ABCB10: variants seen among roughly 807,000 people sequenced by gnomAD.
ABCB10 encodes the protein ATP binding cassette subfamily B member 10, also known as ATP-binding cassette sub-family B member 10, mitochondrial.
Under a neutral mutation model 65.4 loss-of-function variants are expected in ABCB10, and 54 were observed. The ratio of observed to expected loss-of-function variants is 0.83; its 90% CI spans 0.66 to 1.04. The LOEUF is 1.04. Ranked by LOEUF, ABCB10 falls within the 50% of genes least tolerant of loss-of-function variation. The probability of loss-of-function intolerance (pLI) is 0.00; values close to 1 mark genes in which losing one functional copy is unlikely to be tolerated. For synonymous variants in ABCB10, 418 were observed against 406.5 expected (o/e 1.03, Z -0.34); for missense variants, 846 against 976.6 (o/e 0.87, Z 1.78).
At chr1:229,532,295 T>C (rs1284440269) in intron 6 of ABCB10, among the ~76,000 whole-genome samples, 1 of 152,090 alleles carries the variant, frequency 6.6e-6, no homozygotes, top group Non-Finnish European at 1.5e-5. Context: ...TGATCAGGGA[T>C]TGAAAAACAT....
At chr1:229,557,085 T>C (rs571862763) in intron 1 of ABCB10, among the ~76,000 whole-genome samples, 1 of 152,318 alleles carries the variant, frequency 6.6e-6, no homozygotes, top group South Asian at 2.1e-4. Context: ...TCATAGCAAC[T>C]GGTAGATGAA....
intron 6 of ABCB10, among the ~76,000 whole-genome samples, chr1:229,537,334 T>C (rs886840157): frequency 6.6e-6 from 1 of 152,240 alleles, no homozygotes; most frequent in Non-Finnish European, 1.5e-5. Flanking sequence ...TAGCAGAGAA[T>C]GTACTTAGAA....
At chr1:229,523,486 G>A (rs1662363560) in intron 10 of ABCB10, among the ~76,000 whole-genome samples, 1 of 152,136 alleles carries the variant, frequency 6.6e-6, no homozygotes, top group South Asian at 2.1e-4. Flanking sequence ...GCTGCTAAAT[G>A]CTGCTCTAAA....
At chr1:229,531,575 T>C (rs1169904440) in intron 7 of ABCB10, 61 bp downstream of exon 7, 4 of 1,500,832 alleles carry the variant, frequency 2.7e-6, no homozygotes, top group Non-Finnish European at 3.7e-6. Context: ...GGGGAAGAGC[T>C]GGTCTCATTG....
rs1226889877 is a variant in ABCB10, at chr1:229,558,428, C to A, written c.225G>T (p.Gly75=). ...GGACGCCCCGCGAGGCGCCCGGACC[C>A]CCGCCCCGGCAGCCGCTCCTCCAGC... ...ARRWRSGCRG[G]GPGASRGVLG... Residue 75 remains glycine (G), a synonymous_variant, in exon 1 of 13, where the codon GGG becomes GGT. Transcript: ENST00000344517. 1.4e-5 allele frequency: 17 copies of A among 1,207,450 alleles called. No individual in the cohort carries two copies. In the East Asian group the frequency reaches 4.9e-4, roughly 35 times the overall value. The allele number at this position is 1,207,450 out of a possible 1,614,324, so 74.8% of individuals were successfully genotyped here.
chr1:229,544,035 C>T (rs1166113591), intron 3 of ABCB10, among the ~76,000 whole-genome samples: 1 of 152,186 alleles, frequency 6.6e-6, no homozygotes, highest in African/African-American at 2.4e-5. Flanking sequence ...AGAACCACCC[C>T]CCTCCCTTCA....
intron 3 of ABCB10, among the ~76,000 whole-genome samples, chr1:229,542,742 G>A (rs903912988): frequency 6.6e-6 from 1 of 151,564 alleles, no homozygotes; most frequent in African/African-American, 2.4e-5. Context: ...GTCCACCTCA[G>A]GAGTTGTATA....
chr1:229,518,474 C>G (rs563279613), intron 12 of ABCB10, 64 bp from the exon 13 acceptor site: 1 of 1,328,260 alleles, frequency 7.5e-7, no homozygotes, highest in South Asian at 1.2e-5. Flanking sequence ...CTTCCTGATA[C>G]ACACAGCAGC....
chr1:229,542,083 G>C (rs1054571335), intron 4 of ABCB10, among the ~76,000 whole-genome samples, 154 bp downstream of exon 4: 18 of 152,146 alleles, frequency 1.2e-4, no homozygotes, highest in Admixed American at 3.9e-4. Context: ...AAACAGAGTA[G>C]TTTAAGTTTC....
intron 4 of ABCB10, among the ~76,000 whole-genome samples, chr1:229,541,679 C>T (rs1014244761): frequency 6.6e-6 from 1 of 152,016 alleles, no homozygotes; most frequent in Non-Finnish European, 1.5e-5. Flanking sequence ...GTGGTTCATG[C>T]CTGTAATCCC....
intron 9 of ABCB10, among the ~76,000 whole-genome samples, chr1:229,526,996 G>C (rs1204367904): frequency 2.0e-5 from 3 of 152,060 alleles, no homozygotes; most frequent in African/African-American, 7.2e-5. Context: ...AGTAATGGTA[G>C]TCTCCAGCTT....
At chr1:229,523,396 C>A (rs765051218) in intron 10 of ABCB10, among the ~76,000 whole-genome samples, 4 of 152,188 alleles carry the variant, frequency 2.6e-5, no homozygotes, top group Non-Finnish European at 5.9e-5. Flanking sequence ...ATTGGCTGAA[C>A]ATACTTATCA....
At chr1:229,541,640 A>G (rs1368046273) in intron 4 of ABCB10, among the ~76,000 whole-genome samples, 3 of 152,136 alleles carry the variant, frequency 2.0e-5, no homozygotes, top group Admixed American at 1.3e-4. Context: ...GTTTTGTCCT[A>G]TAACAAATAG....
chr1:229,542,467 CTGTGTGTG>C (rs138177567), intron 3 of ABCB10, 96 bp from the exon 4 acceptor site: 1 of 1,399,200 alleles, frequency 7.1e-7, no homozygotes. Flanking sequence ...GTGGGTGTGT[CTGTGTGTG>C]TGTGTGTTTA....
intron 1 of ABCB10, 57 bp downstream of exon 1, chr1:229,558,078 AC>A: frequency 1.6e-6 from 2 of 1,286,866 alleles, no homozygotes; most frequent in Non-Finnish European, 2.0e-6. Context: ...GCGCCCCGGG[AC>A]CCCGCGTGTG....
At chr1:229,537,668 T>C (rs1362010966) in intron 6 of ABCB10, among the ~76,000 whole-genome samples, 1 of 152,102 alleles carries the variant, frequency 6.6e-6, no homozygotes, top group Non-Finnish European at 1.5e-5. Flanking sequence ...CACGTGCCTG[T>C]AGTCCCAGCT....
chr1:229,558,217 GC>G lies in ABCB10; in HGVS notation c.435del (p.Arg146GlyfsTer66). The G allele has an allele frequency of 7.2e-7, 1 of 1,395,528 alleles. No homozygotes were observed. Among genetic ancestry groups the G allele is most frequent in the Non-Finnish European group, 9.3e-7 (1 of 1,075,978 alleles). 86.4% of individuals were successfully genotyped at this position (1,395,528 alleles called of 1,614,324 possible). ...RGPAAPPGDK[G>X]RLRPAAAGLP... ...AGTCCGGCCGCTGCGGGGCGCAGCC[GC>G]CCCTTGTCCCCGGGAGGCGCCGCCG... On this transcript the variant is annotated frameshift_variant, in exon 1 of 13. Coordinates refer to ENST00000344517, the MANE Select transcript of ABCB10 (RefSeq NM_012089.3). LOFTEE classifies it high-confidence loss of function.
Position 229,558,471 on chromosome 1 carries a change from C to T in ABCB10, c.182G>A (p.Gly61Asp). 1 of 1,271,824 alleles carries T rather than the reference C, an allele frequency of 7.9e-7. No homozygotes were observed. The highest frequency in any genetic ancestry group is 9.9e-7 in the Non-Finnish European group (1 of 1,010,478). 78.8% of individuals were successfully genotyped at this position (1,271,824 alleles called of 1,614,324 possible). A position where few individuals can be genotyped will look rare whatever the true frequency, so the allele number is the denominator to read the frequency against. The change falls in exon 1 of 13, where the codon GGC becomes GAC. Residue 61 changes from glycine (G) to aspartate (D), a missense_variant. By Grantham distance (94) the Gly-to-Asp change is moderately conservative. Transcript: ENST00000344517. ...CCTCCAGCGGCGCGCGGCTCCAACG[C>T]CCCAGAGCAGCGCGGGCCCCGCGCC... ...LWGAGPALLW[G>D]VGAARRWRSG...
chr1:229,541,371 C>G (rs986059985), intron 4 of ABCB10, among the ~76,000 whole-genome samples: 2 of 152,108 alleles, frequency 1.3e-5, no homozygotes, highest in Non-Finnish European at 2.9e-5. Context: ...GGATTACAGG[C>G]ACAAACCAGC....
Sources: allele counts gnomAD v4.1 joint callset (sites outside exome capture counted in the v4.1 genomes callset), GRCh38; gene constraint gnomAD v4.1.1; transcripts MANE v1.5; gene names NCBI Gene and HGNC (gene_info 2026-07-23, HGNC 2026-07-21).